EMID1: variants seen among roughly 807,000 people sequenced by gnomAD.
EMID1 encodes the protein EMI domain containing 1, also known as EMI domain-containing protein 1.
In EMID1, 40 loss-of-function variants were observed where a neutral mutation model predicts 60.6. The observed-to-expected ratio is 0.66, with a 90% CI of 0.51 to 0.86. The LOEUF (loss-of-function observed/expected upper bound fraction) is 0.86, where lower values mean the gene tolerates loss of function less well. EMID1 is among the 40% of genes least tolerant of loss of function. EMID1 has a pLI of 0.00. For synonymous variants in EMID1, 242 were observed against 231.0 expected, an observed-to-expected ratio of 1.05 and a Z score of -0.43; for missense variants, 585 against 597.1, an observed-to-expected ratio of 0.98 and a Z score of 0.21.
At chr22:29,208,542 G>A (rs904688273) in intron 1 of EMID1, among the ~76,000 whole-genome samples, 7 of 152,166 alleles carry the variant, frequency 4.6e-5, no homozygotes, top group African/African-American at 1.7e-4. Context: ...CTGCAGCACC[G>A]GCTTCCTTCC....
At chr22:29,249,706 C>T (rs1050563261) in intron 13 of EMID1, among the ~76,000 whole-genome samples, 10 of 152,002 alleles carry the variant, frequency 6.6e-5, no homozygotes, top group Admixed American at 6.6e-4. Flanking sequence ...CCTCTGCCTC[C>T]TGGGTTTAAG....
chr22:29,221,437 C>T (rs555405377), intron 3 of EMID1, among the ~76,000 whole-genome samples: 6 of 152,160 alleles, frequency 3.9e-5, no homozygotes, highest in Admixed American at 6.5e-5. Context: ...TGCAGTGGCG[C>T]GATCTCGGCT....
intron 12 of EMID1, among the ~76,000 whole-genome samples, chr22:29,235,430 T>C (rs1455676237): frequency 1.3e-5 from 2 of 152,336 alleles, no homozygotes; most frequent in East Asian, 1.9e-4. Context: ...TTAATTTATA[T>C]TTAATGATAT....
intron 7 of EMID1, 43 bp from the exon 8 acceptor site, chr22:29,232,213 C>G (rs768699703): frequency 1.2e-6 from 2 of 1,610,946 alleles, no homozygotes; most frequent in East Asian, 4.5e-5. Context: ...CCTGGGCCTC[C>G]TTGCCTCCTG....
At chr22:29,234,376 C>T (rs1004854011) in intron 12 of EMID1, 27 bp downstream of exon 12, 1 of 1,610,406 alleles carries the variant, frequency 6.2e-7, no homozygotes, top group African/African-American at 1.3e-5. Flanking sequence ...GTCCCGCATT[C>T]ATCCCTGCAG....
chr22:29,233,370 C>G lies in EMID1; in HGVS notation c.824-9C>G. 6.2e-7 allele frequency: 1 copy of G among 1,613,948 alleles called. No individual in the cohort carries two copies. Among genetic ancestry groups the G allele is most frequent in the Non-Finnish European group, 8.5e-7 (1 of 1,179,818 alleles). ...CAGCTCTACTCACTCATCATCTTTG[C>G]TCACCCAGGAGACCCATTGCTGTCC... On this transcript the variant is annotated splice_polypyrimidine_tract_variant and intron_variant, in intron 8 of 14. Transcript: ENST00000334018.
chr22:29,209,518 G>C (rs2039803607), intron 1 of EMID1, among the ~76,000 whole-genome samples: 1 of 152,214 alleles, frequency 6.6e-6, no homozygotes, highest in Admixed American at 6.5e-5. Flanking sequence ...TCGGGTCCCA[G>C]CTCCTCTGGC....
At chr22:29,215,085 C>T in intron 2 of EMID1, 46 bp downstream of exon 2, 1 of 1,493,656 alleles carries the variant, frequency 6.7e-7, no homozygotes, top group Non-Finnish European at 9.0e-7. Flanking sequence ...GGTGGAGGCA[C>T]AGTTTGGGCA....
intron 5 of EMID1, among the ~76,000 whole-genome samples, chr22:29,227,568 G>T (rs1015271904): frequency 1.3e-5 from 2 of 151,932 alleles, no homozygotes; most frequent in Non-Finnish European, 2.9e-5. Flanking sequence ...AGCCTGGCAT[G>T]GTGGCACACA....
At chr22:29,224,443 C>T (rs1478299774) in intron 3 of EMID1, among the ~76,000 whole-genome samples, 1 of 152,128 alleles carries the variant, frequency 6.6e-6, no homozygotes, top group African/African-American at 2.4e-5. Flanking sequence ...ACCAGACCAG[C>T]CAGGGCGGCT....
chr22:29,249,882 T>C (rs932210470), intron 13 of EMID1, among the ~76,000 whole-genome samples: 3 of 152,164 alleles, frequency 2.0e-5, no homozygotes, highest in African/African-American at 7.2e-5. Context: ...CCCAAAGTGC[T>C]GGGACTACAG....
At chr22:29,257,032 G>A (rs914415073) in intron 14 of EMID1, among the ~76,000 whole-genome samples, 3 of 152,160 alleles carry the variant, frequency 2.0e-5, no homozygotes, top group African/African-American at 7.2e-5. Flanking sequence ...CTGAGGATTG[G>A]AGCAGGAGCT....
chr22:29,255,513 AG>A, intron 14 of EMID1: 1 of 564,876 alleles, frequency 1.8e-6, no homozygotes, highest in Non-Finnish European at 3.0e-6. Context: ...TGCCTGGCAG[AG>A]AGAAGGCTCT....
At chr22:29,211,221 AGTGT>A (rs774673477) in intron 1 of EMID1, among the ~76,000 whole-genome samples, 15 of 151,854 alleles carry the variant, frequency 9.9e-5, no homozygotes, top group Non-Finnish European at 2.1e-4. Context: ...AGAGCCGATG[AGTGT>A]GTGTATGTGA....
At chr22:29,228,329 A>G (rs79989946) in intron 5 of EMID1, among the ~76,000 whole-genome samples, 4,271 of 150,422 alleles carry the variant, frequency 0.028, 80 homozygotes, top group Middle Eastern at 0.062. Context: ...CCGTCTCAAG[A>G]AAAAAAAAAG....
At chr22:29,228,393 T>C (rs117996518) in intron 5 of EMID1, among the ~76,000 whole-genome samples, 3 of 152,092 alleles carry the variant, frequency 2.0e-5, no homozygotes, top group African/African-American at 4.8e-5. Context: ...TTTAGAAACA[T>C]GAAAAATTCA....
At chr22:29,222,559 A>C (rs1348367544) in intron 3 of EMID1, among the ~76,000 whole-genome samples, 1 of 151,474 alleles carries the variant, frequency 6.6e-6, no homozygotes. Context: ...ACGCATCGCC[A>C]CCCCCAGCTA....
At chr22:29,210,256 T>C (rs2039832349) in intron 1 of EMID1, among the ~76,000 whole-genome samples, 2 of 151,474 alleles carry the variant, frequency 1.3e-5, no homozygotes. Context: ...GCAAATTTTT[T>C]TTTTTTTTTT....
At chr22:29,238,665 C>T (rs899522255) in intron 12 of EMID1, among the ~76,000 whole-genome samples, 5 of 142,930 alleles carry the variant, frequency 3.5e-5, no homozygotes, top group South Asian at 2.3e-4. Context: ...GTGATCCGCC[C>T]GCCTCGGCCT....
Sources: gnomAD v4.1 joint callset for allele counts (sites outside exome capture counted in the v4.1 genomes callset) on GRCh38, gnomAD v4.1.1 for gene constraint, MANE v1.5 for transcripts, NCBI Gene and HGNC (gene_info 2026-07-23, HGNC 2026-07-21) for gene names.